MYO7B: variants seen among roughly 807,000 people sequenced by gnomAD.
MYO7B encodes the protein unconventional myosin-VIIb.
In MYO7B, 212 loss-of-function variants were observed where a neutral mutation model predicts 259.7. That is an observed-to-expected ratio of 0.82 (90% CI 0.73 to 0.91). The LOEUF is 0.91. MYO7B is among the 40% of genes least tolerant of loss of function. The probability of loss-of-function intolerance (pLI) is 0.00; values close to 1 mark genes in which losing one functional copy is unlikely to be tolerated. For missense variants in MYO7B, 2,732 were observed against 2,813.5 expected, an observed-to-expected ratio of 0.97 and a Z score of 0.66; for synonymous variants, 1,197 against 1,166.4, an observed-to-expected ratio of 1.03 and a Z score of -0.54.
intron 20 of MYO7B, among the ~76,000 whole-genome samples, chr2:127,606,397 ATG>A (rs1437522889): frequency 6.6e-6 from 1 of 152,226 alleles, no homozygotes; most frequent in Non-Finnish European, 1.5e-5. Flanking sequence ...TTTGTCACGG[ATG>A]TGACTGGTTA....
At chr2:127,554,813 G>C (rs899579796) in intron 1 of MYO7B, among the ~76,000 whole-genome samples, 1 of 152,024 alleles carries the variant, frequency 6.6e-6, no homozygotes. Flanking sequence ...AAATTAGGAG[G>C]GTGTATTTTT....
intron 18 of MYO7B, among the ~76,000 whole-genome samples, chr2:127,595,386 T>C (rs1342942607): frequency 6.6e-6 from 1 of 152,148 alleles, no homozygotes; most frequent in Non-Finnish European, 1.5e-5. Context: ...TAGGTAGTGG[T>C]CTATCTATTT....
chr2:127,559,572 T>C lies in MYO7B; in HGVS notation c.-23-128T>C. ...ACTCATTCATCCATTTATTCAGCAT[T>C]GTTTTTGAGCCAGGTCCCATGCCGG... On this transcript the variant is annotated intron_variant, in intron 1 of 47. Coordinates refer to ENST00000409816, the MANE Select transcript of MYO7B (RefSeq NM_001393586.1). The surrounding 1 kb of genome is among the most constrained non-coding windows in gnomAD (Gnocchi z 4.1). 1.3e-6 allele frequency: 1 copy of C among 799,216 alleles called. No individual in the cohort carries two copies. The highest frequency in any genetic ancestry group is 1.5e-5 in the South Asian group (1 of 67,830). The allele number at this position is 799,216 out of a possible 1,614,324, so 49.5% of individuals were successfully genotyped here. A position where few individuals can be genotyped will look rare whatever the true frequency, so the allele number is the denominator to read the frequency against.
chr2:127,625,461 T>A lies in MYO7B; in HGVS notation c.4141T>A (p.Cys1381Ser). 6.2e-7 allele frequency: 1 copy of A among 1,612,432 alleles called. No homozygotes were observed. ...GGCTGTCCAGGAGCTGCTGCCCAGC[T>A]GCATCCCCCACAAGCTGTACAGGAC... ...SKAVQELLPS[C>S]IPHKLYRTKP... Residue 1381 changes from cysteine to serine, a missense_variant, in exon 31 of 48, where the codon TGC becomes AGC. This residue lies in a region of MYO7B where 1,906 missense variants were observed against 2,026.4 expected (regional missense o/e 0.94). Coordinates refer to ENST00000409816, the MANE Select transcript of MYO7B (RefSeq NM_001393586.1).
Position 127,635,880 on chromosome 2 carries a change from C to T in MYO7B, c.5979C>T (p.Arg1993=), listed in dbSNP as rs1264708546. 4 of 1,579,566 alleles carry T rather than the reference C, an allele frequency of 2.5e-6. No individual in the cohort carries two copies. In the African/African-American group the frequency reaches 4.1e-5, roughly 16 times the overall value. ...LRELVPENLT[R]LMSSEEWKKS... ...AACTGGTGCCTGAGAACCTCACACGCCTGATGTCCTCGGAGGAGTGGAAAA... is the reference window on the plus strand; with the variant it reads ...AACTGGTGCCTGAGAACCTCACACGTCTGATGTCCTCGGAGGAGTGGAAAA... Residue 1993 remains arginine, a synonymous_variant, in exon 44 of 48, where the codon CGC becomes CGT. Coordinates refer to ENST00000409816, the MANE Select transcript of MYO7B (RefSeq NM_001393586.1).
chr2:127,576,492 T>A lies in MYO7B; in HGVS notation c.736-103T>A, dbSNP rs1678869454. ...CAGAGCTGCTCCTGGCTGAGAGATG[T>A]GGAGCGGAGGCCAGGGCTGGGCTGG... On this transcript the variant is annotated intron_variant, in intron 7 of 47. Transcript: ENST00000409816. This position sits in a 1 kb window ranked among gnomAD's most constrained non-coding sequence, Gnocchi z 4.9. The A allele has an allele frequency of 1.5e-6, 1 of 645,608 alleles. No homozygotes were observed. The highest frequency in any genetic ancestry group is 2.5e-6 in the Non-Finnish European group (1 of 396,156). 40.0% of individuals were successfully genotyped at this position (645,608 alleles called of 1,614,324 possible).
intron 1 of MYO7B, among the ~76,000 whole-genome samples, chr2:127,557,626 G>A (rs1033050650): frequency 6.6e-6 from 1 of 152,082 alleles, no homozygotes; most frequent in Non-Finnish European, 1.5e-5. Flanking sequence ...CCCTTTTGTG[G>A]TATTGGTATA....
chr2:127,608,724 C>A lies in MYO7B; in HGVS notation c.2660C>A (p.Pro887Gln). The A allele has an allele frequency of 2.5e-6, 4 of 1,612,256 alleles. No homozygotes were observed. The South Asian group carries it at 4.4e-5, about 18-fold the overall frequency. Residue 887 changes from proline to glutamine, a missense_variant, in exon 22 of 48, where the codon CCG (proline) becomes CAG (glutamine). Transcript: ENST00000409816. ...QRKANAPLVI[P>Q]AEGQKSQGAL... ...GGTATGCAGGCGCCGCTGGTCATCC[C>A]GGCCGAGGGGCAGAAAAGCCAAGGC... is the stretch of plus-strand genomic sequence containing the variant.
In MYO7B at chr2:127,634,652, C is replaced by A. The variant is rs760644801; in HGVS notation, c.5682C>A (p.Asp1894Glu). The stretch of plus-strand genomic sequence containing the variant: ...TTGATTCCTTGAGGGAGGTGTCTGA[C>A]TGGGTGAAGAAGAACAAGCCCCAGA... ...FFFDSLREVS[D>E]WVKKNKPQKE... is the part of the protein sequence containing the mutation. The change falls in exon 42 of 48, where the codon GAC (aspartate) becomes GAA (glutamate). Residue 1894 changes from aspartate to glutamate, a missense_variant. Transcript: ENST00000409816. 2 of 1,612,968 alleles carry A rather than the reference C, an allele frequency of 1.2e-6. No homozygotes were observed. Among genetic ancestry groups the A allele is most frequent in the Non-Finnish European group, 1.7e-6 (2 of 1,179,520 alleles).
chr2:127,565,524 C>T lies in MYO7B; in HGVS notation c.285+139C>T. 3.4e-6 allele frequency: 4 copies of T among 1,191,432 alleles called. No individual in the cohort carries two copies. The South Asian group carries it at 6.0e-5, about 18-fold the overall frequency. 73.8% of individuals were successfully genotyped at this position (1,191,432 alleles called of 1,614,324 possible). A position where few individuals can be genotyped will look rare whatever the true frequency, so the allele number is the denominator to read the frequency against. ...GAGGTGGGCGAGGTGCCTAACTTTTCCCAATCTCTGCTGCCCAGTCCCAAA... is the reference window on the plus strand; with the variant it reads ...GAGGTGGGCGAGGTGCCTAACTTTTTCCAATCTCTGCTGCCCAGTCCCAAA... On this transcript the variant is annotated intron_variant, in intron 4 of 47. Transcript: ENST00000409816.
At chr2:127,549,683 A>C (rs1464860027) in intron 1 of MYO7B, among the ~76,000 whole-genome samples, 1 of 152,174 alleles carries the variant, frequency 6.6e-6, no homozygotes, top group African/African-American at 2.4e-5. Flanking sequence ...CCCATGGCAT[A>C]TCTGAGGGAC....
In MYO7B at chr2:127,581,871, G is replaced by A; in HGVS notation, c.1081-20G>A. The A allele has an allele frequency of 6.2e-7, 1 of 1,613,064 alleles. No individual in the cohort carries two copies. The highest frequency in any genetic ancestry group is 1.7e-4 in the Middle Eastern group (1 of 6,058). On this transcript the variant is annotated intron_variant, in intron 10 of 47. Coordinates refer to ENST00000409816, the MANE Select transcript of MYO7B (RefSeq NM_001393586.1). ...GGCCCTGCTCCACAGGTGCGACGCAGCCCCCACCTGCCTCCCCAGGTGCAG... is the reference window on the plus strand; with the variant it reads ...GGCCCTGCTCCACAGGTGCGACGCAACCCCCACCTGCCTCCCCAGGTGCAG...
chr2:127,628,445 G>A lies in MYO7B; in HGVS notation c.4534G>A (p.Val1512Met), dbSNP rs1229184261. 2 of 1,587,526 alleles carry A rather than the reference G, an allele frequency of 1.3e-6. No individual in the cohort carries two copies. The highest frequency in any genetic ancestry group is 1.7e-6 in the Non-Finnish European group (2 of 1,168,268). The change falls in exon 34 of 48, where the codon GTG becomes ATG. Residue 1512 changes from valine (V) to methionine (M), a missense_variant. Physicochemically the swap from Val to Met is conservative, Grantham distance 21. Coordinates refer to ENST00000409816, the MANE Select transcript of MYO7B (RefSeq NM_001393586.1). This position sits in a 1 kb window ranked among gnomAD's most constrained non-coding sequence, Gnocchi z 4.8. Reference protein sequence around the residue: ...EEYEFVSPSSVAIAELVALFL... With the variant: ...EEYEFVSPSSMAIAELVALFL... ...GTACGAGTTTGTGTCACCCAGCAGT[G>A]TGGCCATCGCTGAGCTGGTGGCCCT...
chr2:127,619,240 G>A (rs1329532039), intron 26 of MYO7B, among the ~76,000 whole-genome samples: 4 of 132,060 alleles, frequency 3.0e-5, no homozygotes, highest in African/African-American at 9.0e-5. Flanking sequence ...TTGGGTTGTG[G>A]GGGCTGGTTG....
At chr2:127,602,510 GGCATGGTGGTGCAT>G (rs1360789559) in intron 19 of MYO7B, among the ~76,000 whole-genome samples, 3 of 152,038 alleles carry the variant, frequency 2.0e-5, no homozygotes, top group Non-Finnish European at 4.4e-5. Context: ...AAATTATCTG[GGCATGGTGGTGCAT>G]GCCTCTAGTC....
intron 1 of MYO7B, among the ~76,000 whole-genome samples, chr2:127,540,164 G>GTTTTTTTTTTTTTTTTT (rs1216410358): frequency 8.0e-6 from 1 of 125,688 alleles, no homozygotes; most frequent in African/African-American, 2.7e-5. Flanking sequence ...TCTTTTTCTG[G>GTTTTTTTTTTTTTTTTT]TTTTATTTTT....
rs1251101666 is a variant in MYO7B, at chr2:127,611,064, G to A, written c.3192+1048G>A. On this transcript the variant is annotated intron_variant, in intron 24 of 47. Coordinates refer to ENST00000409816, the MANE Select transcript of MYO7B (RefSeq NM_001393586.1). The surrounding 1 kb of genome is among the most constrained non-coding windows in gnomAD (Gnocchi z 5.4). The stretch of plus-strand genomic sequence containing the variant: ...GGTTGCTGTCAAGCTGTCCCCTGGG[G>A]ATGGTGTCATCTGAAAGCTTGACAG... 1.3e-5 allele frequency among the ~76,000 whole-genome samples: 2 copies of A among 152,232 alleles called. No homozygotes were observed. Among genetic ancestry groups the A allele is most frequent in the African/African-American group, 2.4e-5 (1 of 41,454 alleles).
Position 127,551,379 on chromosome 2 carries a change from G to A in MYO7B, c.-23-8321G>A, listed in dbSNP as rs139320630. 2.9e-4 allele frequency among the ~76,000 whole-genome samples: 44 copies of A among 152,326 alleles called. 1 individual carries two copies. In the Middle Eastern group the frequency reaches 0.017, roughly 59 times the overall value. ...CAAGATCACACAGCTGTTAACTGGG[G>A]CCCTCAGTTCTCACAACACGGGCCT... On this transcript the variant is annotated intron_variant, in intron 1 of 47. Coordinates refer to ENST00000409816, the MANE Select transcript of MYO7B (RefSeq NM_001393586.1).
At position 127,628,595 on chromosome 2, in the gene MYO7B, G is replaced by T; in HGVS notation, c.4624+60G>T. 1 of 1,399,624 alleles carries T rather than the reference G, an allele frequency of 7.1e-7. No homozygotes were observed. The highest frequency in any genetic ancestry group is 9.7e-7 in the Non-Finnish European group (1 of 1,036,232). 86.7% of individuals were successfully genotyped at this position (1,399,624 alleles called of 1,614,324 possible). ...GGGGTGGGGGAGGGCCGCGCATGGGGTCTGTAGGTAGGTGGCATGCTCATC... is the reference window on the plus strand; with the variant it reads ...GGGGTGGGGGAGGGCCGCGCATGGGTTCTGTAGGTAGGTGGCATGCTCATC... On this transcript the variant is annotated intron_variant, in intron 34 of 47. Coordinates refer to ENST00000409816, the MANE Select transcript of MYO7B (RefSeq NM_001393586.1). The surrounding 1 kb of genome is among the most constrained non-coding windows in gnomAD (Gnocchi z 4.8).
Sources: gnomAD v4.1 joint callset for allele counts (sites outside exome capture counted in the v4.1 genomes callset) on GRCh38, gnomAD v4.1.1 for gene constraint, gnomAD v4.1.1 regional missense constraint, Gnocchi (gnomAD v3.1) non-coding constraint, MANE v1.5 for transcripts, NCBI Gene and HGNC (gene_info 2026-07-23, HGNC 2026-07-21) for gene names.